The following RGL3 variants were observed in gnomAD, a reference collection of about 807,000 sequenced individuals.
RGL3 encodes ral guanine nucleotide dissociation stimulator like 3, also known as ral guanine nucleotide dissociation stimulator-like 3.
A neutral mutation model predicts 90.6 loss-of-function variants in RGL3; 85 were observed. That is an observed-to-expected ratio of 0.94 (90% CI 0.79 to 1.12). RGL3 has a LOEUF of 1.12. Among genes scored for constraint, RGL3 ranks in the 50% most tolerant of loss-of-function variants. The probability of loss-of-function intolerance (pLI) is 0.00; values close to 1 mark genes in which losing one functional copy is unlikely to be tolerated. For missense variants in RGL3, 1,034 were observed against 939.2 expected (o/e 1.10, Z -1.32); for synonymous variants, 408 against 385.5 (o/e 1.06, Z -0.68).
Position 11,400,035 on chromosome 19 carries a change from C to G in RGL3, c.1649+5G>C. 6.2e-7 allele frequency: 1 copy of G among 1,603,548 alleles called. No individual in the cohort carries two copies. Among genetic ancestry groups the G allele is most frequent in the East Asian group, 2.2e-5 (1 of 44,550 alleles). On this transcript the variant is annotated splice_donor_5th_base_variant and intron_variant, in intron 15 of 18. Coordinates refer to ENST00000380456, the MANE Select transcript of RGL3 (RefSeq NM_001035223.4). ...CCCAGTCCCATCACCAAGCAGAATG[C>G]TCACCTGGAGGTGGGGGATGAGGGG... is the stretch of plus-strand genomic sequence containing the variant.
intron 2 of RGL3, among the ~76,000 whole-genome samples, chr19:11,417,986 A>T (rs548675572): frequency 6.6e-6 from 1 of 152,162 alleles, no homozygotes; most frequent in South Asian, 2.1e-4. Flanking sequence ...CATCACGCAC[A>T]GCTAGTTTTT....
chr19:11,416,217 T>G, intron 4 of RGL3, 69 bp from the exon 5 acceptor site: 1 of 28,038 alleles, frequency 3.6e-5, no homozygotes, highest in Non-Finnish European at 4.9e-5. Flanking sequence ...TCCTGGTACC[T>G]TTTTTTTTTT....
At chr19:11,403,192 C>T (rs60452777) in intron 9 of RGL3, among the ~76,000 whole-genome samples, 1 of 151,250 alleles carries the variant, frequency 6.6e-6, no homozygotes, top group Non-Finnish European at 1.5e-5. Context: ...CCCCCCACCT[C>T]GCCCAGCTAA....
At chr19:11,416,272 G>C in intron 4 of RGL3, 124 bp from the exon 5 acceptor site, 1 of 781,676 alleles carries the variant, frequency 1.3e-6, no homozygotes, top group Non-Finnish European at 1.9e-6. Context: ...AGGCTGCAGT[G>C]CAATGGCCTG....
In RGL3 at chr19:11,416,987, G is replaced by A; in HGVS notation, c.220C>T (p.Leu74=). ...SKVRVLRAAR[L]ERLVGELVFG... ...ACCAACTCTCCCACCAGCCGCTCCA[G>A]GCGCGCTGCCCTCAGCACCCTCACC... Residue 74 remains leucine, a synonymous_variant, in exon 3 of 19, where the codon CTG becomes TTG. Coordinates refer to ENST00000380456, the MANE Select transcript of RGL3 (RefSeq NM_001035223.4). The A allele has an allele frequency of 6.2e-7, 1 of 1,613,988 alleles. No individual in the cohort carries two copies. The highest frequency in any genetic ancestry group is 8.5e-7 in the Non-Finnish European group (1 of 1,179,986).
intron 1 of RGL3, 77 bp from the exon 2 acceptor site, chr19:11,418,861 G>GCA: frequency 8.4e-7 from 1 of 1,185,402 alleles, no homozygotes; most frequent in Admixed American, 2.6e-5. Flanking sequence ...GCTCGGACTC[G>GCA]GGCCGAGTCC....
At chr19:11,415,431 C>G (rs914956317) in intron 5 of RGL3, among the ~76,000 whole-genome samples, 4 of 151,466 alleles carry the variant, frequency 2.6e-5, no homozygotes, top group African/African-American at 9.7e-5. Context: ...CCCAACGGCA[C>G]CAAGGAGGGA....
chr19:11,406,098 C>G (rs892457153), intron 7 of RGL3, among the ~76,000 whole-genome samples: 1 of 151,954 alleles, frequency 6.6e-6, no homozygotes, highest in African/African-American at 2.4e-5. Context: ...AAGACTCCCA[C>G]TTATTCCCTA....
rs1477597259 is a variant in RGL3 at position 11,416,011 on chromosome 19, G to A, written c.563C>T (p.Ala188Val). The A allele has an allele frequency of 1.2e-6, 2 of 1,613,920 alleles. No individual in the cohort carries two copies. The highest frequency in any genetic ancestry group is 3.3e-5 in the Admixed American group (2 of 59,968). The change falls in exon 5 of 19, where the codon GCA becomes GTA. Residue 188 changes from alanine to valine, a missense_variant. By Grantham distance (64) the Ala-to-Val change is moderately conservative (BLOSUM62 0). Transcript: ENST00000380456. ...CAAAAAATCTTCCAGAAGCTTCTCT[G>A]CTTTTTGAGCCTCAGCACTCCCTGG... ...AAPGSAEAQK[A>V]EKLLEDFLEE...
At chr19:11,394,685 G>A (rs886301438) in intron 18 of RGL3, 165 bp from the exon 19 acceptor site, 4 of 602,746 alleles carry the variant, frequency 6.6e-6, no homozygotes, top group South Asian at 1.9e-5. Context: ...GAACCTGGAC[G>A]ACTTCTCACT....
chr19:11,404,506 G>A (rs1273430845), intron 9 of RGL3, among the ~76,000 whole-genome samples: 1 of 152,170 alleles, frequency 6.6e-6, no homozygotes, highest in African/African-American at 2.4e-5. Context: ...CAGTCTGGGT[G>A]ACAGAGCGAG....
intron 5 of RGL3, among the ~76,000 whole-genome samples, chr19:11,409,814 A>G (rs1376753491): frequency 6.6e-6 from 1 of 152,176 alleles, no homozygotes; most frequent in African/African-American, 2.4e-5. Flanking sequence ...ACACGGGACA[A>G]CCTCATCATG....
chr19:11,410,124 A>AT (rs957493212), intron 5 of RGL3, among the ~76,000 whole-genome samples: 7 of 148,356 alleles, frequency 4.7e-5, no homozygotes, highest in East Asian at 2.0e-4. Flanking sequence ...ATATATATAT[A>AT]TTTTTTTATT....
chr19:11,395,924 GC>G (rs201104993), intron 18 of RGL3, among the ~76,000 whole-genome samples: 4,366 of 144,444 alleles, frequency 0.03, 251 homozygotes, highest in African/African-American at 0.1. Context: ...ACCATGCCCG[GC>G]CCCCTTTTTT....
chr19:11,409,203 G>A (rs575194858), intron 5 of RGL3, among the ~76,000 whole-genome samples: 26 of 147,882 alleles, frequency 1.8e-4, no homozygotes, highest in Non-Finnish European at 3.7e-4. Flanking sequence ...AAAGAAGGCC[G>A]GGGGCAGTGG....
intron 1 of RGL3, 102 bp downstream of exon 1, chr19:11,419,144 G>A (rs1189259375): frequency 1.7e-5 from 22 of 1,320,052 alleles, no homozygotes; most frequent in Non-Finnish European, 2.3e-5. Flanking sequence ...TCCAGGGCAA[G>A]TTCAGATTGG....
rs997431553 is a variant in RGL3 at position 11,395,667 on chromosome 19, C to T, written c.2015-1147G>A. Among the ~76,000 whole-genome samples the T allele has an allele frequency of 1.2e-4, 18 of 152,156 alleles. No individual in the cohort carries two copies. In the East Asian group the frequency reaches 1.7e-3, roughly 15 times the overall value. On this transcript the variant is annotated intron_variant, in intron 18 of 18. Coordinates refer to ENST00000380456, the MANE Select transcript of RGL3 (RefSeq NM_001035223.4). ...TTTTTGAGACGGAGTCTCACTCTGT[C>T]GCCAGGCTGGAGTGCAGTGGCGCAA...
intron 16 of RGL3, among the ~76,000 whole-genome samples, chr19:11,398,731 C>G (rs1369760355): frequency 6.6e-6 from 1 of 150,800 alleles, no homozygotes; most frequent in Admixed American, 6.6e-5. Flanking sequence ...AGTGCAGTGG[C>G]ACCATCTCAG....
intron 5 of RGL3, among the ~76,000 whole-genome samples, chr19:11,410,906 G>A (rs568321207): frequency 2.0e-4 from 31 of 151,884 alleles, no homozygotes; most frequent in Non-Finnish European, 4.0e-4. Flanking sequence ...CAGAATAAAA[G>A]AGACTTAGGA....
Sources: gnomAD v4.1 joint callset for allele counts (sites outside exome capture counted in the v4.1 genomes callset) on GRCh38, gnomAD v4.1.1 for gene constraint, MANE v1.5 for transcripts, NCBI Gene and HGNC (gene_info 2026-07-23, HGNC 2026-07-21) for gene names.